Variants in LRRC32 observed in about 807,000 individuals in gnomAD.
LRRC32 encodes transforming growth factor beta activator LRRC32.
LRRC32 carries 5 observed loss-of-function variants against 15.0 expected under a neutral mutation model. The observed-to-expected ratio is 0.33, with a 90% CI of 0.17 to 0.70. The LOEUF is 0.70. Among genes scored for constraint, LRRC32 ranks in the 30% least tolerant of loss-of-function variants. The pLI, the probability that LRRC32 is intolerant of heterozygous loss-of-function variation, is 0.66. For synonymous variants in LRRC32, 391 were observed against 403.9 expected (o/e 0.97, Z 0.38); for missense variants, 803 against 854.2 (o/e 0.94, Z 0.75).
Position 76,659,827 on chromosome 11 carries a change from C to A in LRRC32, c.1766G>T (p.Arg589Leu), listed in dbSNP as rs565593386. ...GTCCTGGGTGGCGTCCACGTCCACA[C>A]GGCCCTGGTGCAGCTGGGCTGCCAG... ...GWLAAQLHQG[R>L]VDVDATQDLI... The change falls in exon 3 of 3, where the codon CGT becomes CTT. Residue 589 changes from arginine to leucine, a missense_variant. By Grantham distance (102) the Arg-to-Leu change is moderately radical (BLOSUM62 -2). Coordinates refer to ENST00000260061, the MANE Select transcript of LRRC32 (RefSeq NM_001128922.2). 17 of 1,614,008 alleles carry A rather than the reference C, an allele frequency of 1.1e-5. No homozygotes were observed. In the South Asian group the frequency reaches 1.6e-4, roughly 16 times the overall value.
rs143012117 is a variant in LRRC32 at position 76,661,028 on chromosome 11, C to T, written c.565G>A (p.Glu189Lys). 3.1e-5 allele frequency: 50 copies of T among 1,614,056 alleles called. No individual in the cohort carries two copies. The highest frequency in any genetic ancestry group is 3.7e-5 in the Non-Finnish European group (44 of 1,180,022). Reference protein sequence around the residue: ...DLHSNVLMDIEDGAFEGLPRL... With the variant: ...DLHSNVLMDIKDGAFEGLPRL... ...GGCAGACCCTCGAAGGCGCCATCCTCGATGTCCATCAGCACGTTGCTATGC... is the reference window on the plus strand; with the variant it reads ...GGCAGACCCTCGAAGGCGCCATCCTTGATGTCCATCAGCACGTTGCTATGC... Residue 189 changes from glutamate to lysine, a missense_variant, in exon 3 of 3, where the codon GAG becomes AAG. Glu to Lys is a moderately conservative substitution (Grantham distance 56). Transcript: ENST00000260061.
chr11:76,666,097 G>T, intron 1 of LRRC32, 139 bp from the exon 2 acceptor site: 1 of 737,652 alleles, frequency 1.4e-6, no homozygotes, highest in Non-Finnish European at 2.3e-6. Context: ...GATGCTTTGA[G>T]CAGGGCAGAG....
intron 2 of LRRC32, among the ~76,000 whole-genome samples, chr11:76,661,785 TAGA>T (rs35089822): frequency 0.39 from 59,047 of 151,646 alleles, 11,834 homozygotes; most frequent in Middle Eastern, 0.48. Flanking sequence ...GATAGACAGA[TAGA>T]AGGACAAATA....
At chr11:76,670,033 GC>G (rs1324528679) in intron 1 of LRRC32, 1 of 152,364 alleles carries the variant, frequency 6.6e-6, no homozygotes, top group African/African-American at 2.4e-5. Flanking sequence ...CTAAGGGCAA[GC>G]CTCGTTCTGG....
Position 76,665,908 on chromosome 11 carries a change from A to T in LRRC32, c.47T>A (p.Leu16Gln). The T allele has an allele frequency of 1.2e-6, 2 of 1,614,090 alleles. No homozygotes were observed. The highest frequency in any genetic ancestry group is 1.7e-6 in the Non-Finnish European group (2 of 1,179,986). The part of the protein sequence containing the change: ...LLLLALLTLG[L>Q]AAQHQDKVPC... ...CACTTTGTCTTGGTGTTGTGCAGCC[A>T]GGCCTAGGGTCAGCAGGGCCAGGAG... The change falls in exon 2 of 3, where the codon CTG becomes CAG. Residue 16 changes from leucine (L) to glutamine (Q), a missense_variant. Coordinates refer to ENST00000260061, the MANE Select transcript of LRRC32 (RefSeq NM_001128922.2).
chr11:76,667,226 C>T (rs887238646), intron 1 of LRRC32, among the ~76,000 whole-genome samples: 1 of 152,206 alleles, frequency 6.6e-6, no homozygotes, highest in African/African-American at 2.4e-5. Context: ...CATCATTTTA[C>T]AGAAGGGAAA....
chr11:76,659,507 G>T lies in LRRC32; in HGVS notation c.*97C>A. The T allele has an allele frequency of 7.5e-7, 1 of 1,339,550 alleles. No homozygotes were observed. Among genetic ancestry groups the T allele is most frequent in the Non-Finnish European group, 1.0e-6 (1 of 981,276 alleles). The allele number at this position is 1,339,550 out of a possible 1,614,324, so 83.0% of individuals were successfully genotyped here. ...CCTGGGCTGTAATTTGGAGACCAGA[G>T]TTCTGGGATCCCGGATCACTGTGTG... is the stretch of plus-strand genomic sequence containing the variant. On this transcript the variant is annotated 3_prime_UTR_variant, in exon 3 of 3. Coordinates refer to ENST00000260061, the MANE Select transcript of LRRC32 (RefSeq NM_001128922.2).
At position 76,659,641 on chromosome 11, in the gene LRRC32, A is replaced by G. The variant is rs745516734; in HGVS notation, c.1952T>C (p.Val651Ala). ...CTGTTGGTTAAACTTCTGCCGGCGG[A>G]CGCAGCAGCAGGCGGCCAGCGTGGT... Reference protein sequence around the residue: ...LLTTLAACCCVRRQKFNQQYK... With the variant: ...LLTTLAACCCARRQKFNQQYK... The change falls in exon 3 of 3, where the codon GTC (valine) becomes GCC (alanine). Residue 651 changes from valine to alanine, a missense_variant. By Grantham distance (64) the Val-to-Ala change is moderately conservative. Transcript: ENST00000260061. 6.8e-6 allele frequency: 11 copies of G among 1,614,104 alleles called. No homozygotes were observed. The highest frequency in any genetic ancestry group is 1.7e-5 in the Admixed American group (1 of 60,022).
chr11:76,659,434 C>G lies in LRRC32; in HGVS notation c.*170G>C. On this transcript the variant is annotated 3_prime_UTR_variant, in exon 3 of 3. Coordinates refer to ENST00000260061, the MANE Select transcript of LRRC32 (RefSeq NM_001128922.2). ...TCCACAGCTGGACCCAAAGTGCAGC[C>G]CGGGAAGGGGGTCACCCACTGATGC... is the stretch of plus-strand genomic sequence containing the variant. 2 of 725,496 alleles carry G rather than the reference C, an allele frequency of 2.8e-6. No individual in the cohort carries two copies. The highest frequency in any genetic ancestry group is 4.4e-6 in the Non-Finnish European group (2 of 455,378). 44.9% of individuals were successfully genotyped at this position (725,496 alleles called of 1,614,324 possible). A position where few individuals can be genotyped will look rare whatever the true frequency, so the allele number is the denominator to read the frequency against.
chr11:76,668,043 C>G (rs186790912), intron 1 of LRRC32, among the ~76,000 whole-genome samples: 25 of 152,284 alleles, frequency 1.6e-4, no homozygotes, highest in Non-Finnish European at 3.2e-4. Flanking sequence ...CTGGGCCCCA[C>G]CCCCTCCCAT....
rs763404180 is a variant in LRRC32, at chr11:76,660,342, C to A, written c.1251G>T (p.Leu417=). ...ANLASLQRLN[L]QGNRVSPCGG... ...CACAGGGGCTGACTCGGTTCCCCTGCAGGTTGAGCCGCTGCAGGCTGGCCA... is the reference window on the plus strand; with the variant it reads ...CACAGGGGCTGACTCGGTTCCCCTGAAGGTTGAGCCGCTGCAGGCTGGCCA... Residue 417 remains leucine (L), a synonymous_variant, in exon 3 of 3, where the codon CTG becomes CTT. Coordinates refer to ENST00000260061, the MANE Select transcript of LRRC32 (RefSeq NM_001128922.2). The A allele has an allele frequency of 1.2e-5, 19 of 1,610,770 alleles. No homozygotes were observed. In the Admixed American group the frequency reaches 1.7e-4, roughly 14 times the overall value.
chr11:76,665,786 T>A, intron 2 of LRRC32, 85 bp downstream of exon 2: 1 of 1,589,448 alleles, frequency 6.3e-7, no homozygotes, highest in Non-Finnish European at 8.6e-7. Flanking sequence ...TCTTCTAACT[T>A]CTGGCTTCTG....
At chr11:76,670,441 C>T (rs897692247) in intron 1 of LRRC32, among the ~76,000 whole-genome samples, 173 bp downstream of exon 1, 5 of 152,228 alleles carry the variant, frequency 3.3e-5, no homozygotes, top group Admixed American at 3.3e-4. Context: ...CGCTGGGGAA[C>T]TCCCAGGGAC....
chr11:76,661,415 G>A lies in LRRC32; in HGVS notation c.178C>T (p.Gln60Ter). The A allele has an allele frequency of 6.2e-7, 1 of 1,614,182 alleles. No homozygotes were observed. The highest frequency in any genetic ancestry group is 8.5e-7 in the Non-Finnish European group (1 of 1,180,000). The change falls in exon 3 of 3, where the codon CAG becomes TAG. Residue 60 changes from glutamine (Q) to a stop codon, truncating the protein, a stop_gained. Coordinates refer to ENST00000260061, the MANE Select transcript of LRRC32 (RefSeq NM_001128922.2). LOFTEE classifies it low-confidence loss of function (END_TRUNC). ...GGTGAGGCCAGGATACTCCGCAGCT[G>A]GTTCCCAGATAGATCAAGGGTCTCA... ...DTETLDLSGN[Q>*]LRSILASPLG...
chr11:76,663,874 C>T (rs757730058), intron 2 of LRRC32: 3 of 152,260 alleles, frequency 2.0e-5, no homozygotes, highest in Non-Finnish European at 2.9e-5. Context: ...TCACCCTGTT[C>T]CTATTGTACC....
chr11:76,660,707 C>A lies in LRRC32; in HGVS notation c.886G>T (p.Gly296Cys). ...GCTGAGAGGGGCAGGGCTGACCAGC[C>A]CTCGGAAGGTGCGTGGATGCCCTTG... ...DSKGIHAPSE[G>C]WSALPLSAPS... Residue 296 changes from glycine (G) to cysteine (C), a missense_variant, in exon 3 of 3, where the codon GGC becomes TGC. Gly to Cys is a radical substitution (Grantham distance 159, BLOSUM62 -3). Transcript: ENST00000260061. 1 of 1,614,008 alleles carries A rather than the reference C, an allele frequency of 6.2e-7. No individual in the cohort carries two copies. Among genetic ancestry groups the A allele is most frequent in the Non-Finnish European group, 8.5e-7 (1 of 1,179,984 alleles).
chr11:76,660,891 C>T lies in LRRC32; in HGVS notation c.702G>A (p.Gln234=). 1 of 1,614,224 alleles carries T rather than the reference C, an allele frequency of 6.2e-7. No individual in the cohort carries two copies. The highest frequency in any genetic ancestry group is 8.5e-7 in the Non-Finnish European group (1 of 1,180,034). Residue 234 remains glutamine (Q), a synonymous_variant, in exon 3 of 3, where the codon CAG becomes CAA. Transcript: ENST00000260061. ...ACTCAGCCTGGGGCTGGGAGGCCGT[C>T]TGAAAGGCCTCGATGCTGTTGCAGC... ...DLSCNSIEAF[Q]TASQPQAEFQ...
intron 1 of LRRC32, among the ~76,000 whole-genome samples, chr11:76,666,201 G>T (rs911297646): frequency 1.3e-5 from 2 of 152,212 alleles, no homozygotes; most frequent in Non-Finnish European, 2.9e-5. Context: ...AGAGTTTTAA[G>T]CGGCAGGTGA....
chr11:76,665,986 C>T (rs1384481151), intron 1 of LRRC32, 28 bp from the exon 2 acceptor site: 5 of 1,603,394 alleles, frequency 3.1e-6, no homozygotes, highest in Non-Finnish European at 4.3e-6. Flanking sequence ...GAAAGGGGAA[C>T]ACTGTAAGCC....
Sources: allele counts gnomAD v4.1 joint callset (sites outside exome capture counted in the v4.1 genomes callset), GRCh38; gene constraint gnomAD v4.1.1; transcripts MANE v1.5; gene names NCBI Gene and HGNC (gene_info 2026-07-23, HGNC 2026-07-21).